The following TLN1 variants were observed in gnomAD, a reference collection of about 807,000 sequenced individuals.
TLN1 encodes the protein talin 1.
A neutral mutation model predicts 292.3 loss-of-function variants in TLN1; 56 were observed. The ratio of observed to expected loss-of-function variants is 0.19; its 90% CI spans 0.15 to 0.24. TLN1 has a LOEUF of 0.24. Ranked by LOEUF, TLN1 falls within the 10% of genes least tolerant of loss-of-function variation. TLN1 has a pLI of 1.00. For missense variants in TLN1, 2,433 were observed against 3,248.2 expected (o/e 0.75, Z 6.10); for synonymous variants, 1,119 against 1,253.7 (o/e 0.89, Z 2.27).
chr9:35,706,582 G>A lies in TLN1; in HGVS notation c.5089-31C>T. Reference sequence around the variant, plus strand: ...GAGGAAGTGGACATTAGCCCTGATGGTGACCTGCAATAGGACCCTCTGGCT... The same window carrying A: ...GAGGAAGTGGACATTAGCCCTGATGATGACCTGCAATAGGACCCTCTGGCT... On this transcript the variant is annotated intron_variant, in intron 38 of 56. Transcript: ENST00000314888. The surrounding 1 kb of genome is among the most constrained non-coding windows in gnomAD (Gnocchi z 4.2). 6.2e-7 allele frequency: 1 copy of A among 1,609,344 alleles called. No individual in the cohort carries two copies. Among genetic ancestry groups the A allele is most frequent in the East Asian group, 2.2e-5 (1 of 44,856 alleles).
Position 35,717,696 on chromosome 9 carries a change from A to G in TLN1, c.2086T>C (p.Ser696Pro), listed in dbSNP as rs1825810224. 6.2e-7 allele frequency: 1 copy of G among 1,614,114 alleles called. No individual in the cohort carries two copies. Among genetic ancestry groups the G allele is most frequent in the Non-Finnish European group, 8.5e-7 (1 of 1,179,998 alleles). The change falls in exon 18 of 57, where the codon TCG becomes CCG. Residue 696 changes from serine (S) to proline (P), a missense_variant. Ser to Pro is a moderately conservative substitution (Grantham distance 74). This residue lies in a region of TLN1 where 617 missense variants were observed against 770.6 expected (regional missense o/e 0.80). Transcript: ENST00000314888. The surrounding 1 kb of genome is among the most constrained non-coding windows in gnomAD (Gnocchi z 4.7). ...GCAATAACTTGGGTCTGAAGTCCCG[A>G]GTCCTCTGTCCGCTGGGCCACACTC... ...AKSVAQRTED[S>P]GLQTQVIAAA...
Position 35,719,272 on chromosome 9 carries a change from A to G in TLN1, c.1698T>C (p.Ala566=), listed in dbSNP as rs1402904470. The G allele has an allele frequency of 1.2e-6, 2 of 1,613,234 alleles. No individual in the cohort carries two copies. The highest frequency in any genetic ancestry group is 1.7e-5 in the Admixed American group (1 of 59,954). Residue 566 remains alanine, a synonymous_variant, in exon 16 of 57, where the codon GCT becomes GCC. Coordinates refer to ENST00000314888, the MANE Select transcript of TLN1 (RefSeq NM_006289.4). The surrounding 1 kb of genome is among the most constrained non-coding windows in gnomAD (Gnocchi z 4.6). ...SVVNLTAGDP[A]ETDYTAVGCA... is the part of the protein sequence containing the mutation. ...AGCCCACTGCGGTATAGTCTGTCTC[A>G]GCAGGGTCCCCTAAGGGGAAAAGGA...
rs377428465 is a variant in TLN1 at position 35,724,146 on chromosome 9, G to C, written c.654+46C>G. ...GCAAGGACACGCACACTGTGCTTCC[G>C]AGCCCTCCCTATTCCTGCCCCACCC... is the stretch of plus-strand genomic sequence containing the variant. On this transcript the variant is annotated intron_variant, in intron 6 of 56. Transcript: ENST00000314888. The surrounding 1 kb of genome is among the most constrained non-coding windows in gnomAD (Gnocchi z 4.7). 6.8e-6 allele frequency: 11 copies of C among 1,613,444 alleles called. No homozygotes were observed. Among genetic ancestry groups the C allele is most frequent in the East Asian group, 2.2e-5 (1 of 44,882 alleles).
chr9:35,721,905 A>T (rs1319048066), intron 9 of TLN1, 102 bp from the exon 10 acceptor site: 2 of 1,476,012 alleles, frequency 1.4e-6, no homozygotes, highest in Non-Finnish European at 1.9e-6. Flanking sequence ...GGTGGCCGGG[A>T]GGGCTAACGG....
In TLN1 at chr9:35,707,142, T is replaced by C; in HGVS notation, c.4885A>G (p.Ser1629Gly). The C allele has an allele frequency of 6.2e-7, 1 of 1,610,918 alleles. No individual in the cohort carries two copies. The highest frequency in any genetic ancestry group is 8.5e-7 in the Non-Finnish European group (1 of 1,179,190). Reference protein sequence around the residue: ...ALAVNPRDPPSWSVLAGHSRT... With the variant: ...ALAVNPRDPPGWSVLAGHSRT... ...GAGTGGCCGGCCAGCACCGACCAGC[T>C]CGGGGGGTCCCGGGGATTGACTGCG... The change falls in exon 37 of 57, where the codon AGC becomes GGC. Residue 1629 changes from serine (S) to glycine (G), a missense_variant. By Grantham distance (56) the Ser-to-Gly change is moderately conservative (BLOSUM62 0). Around this residue, in one of 7 missense-constraint regions of TLN1, gnomAD observed 1,384 missense variants for 1,699.6 expected, o/e 0.81. Coordinates refer to ENST00000314888, the MANE Select transcript of TLN1 (RefSeq NM_006289.4). This position sits in a 1 kb window ranked among gnomAD's most constrained non-coding sequence, Gnocchi z 5.6.
rs775648449 is a variant in TLN1 at position 35,706,220 on chromosome 9, G to T, written c.5337C>A (p.Ala1779=). 1.9e-5 allele frequency: 31 copies of T among 1,609,922 alleles called. 1 individual carries two copies. The South Asian group carries it at 3.3e-4, about 17-fold the overall frequency. The change falls in exon 40 of 57, where the codon GCC becomes GCA. Residue 1779 remains alanine, a synonymous_variant. Coordinates refer to ENST00000314888, the MANE Select transcript of TLN1 (RefSeq NM_006289.4). The surrounding 1 kb of genome is among the most constrained non-coding windows in gnomAD (Gnocchi z 4.2). Reference sequence around the variant, plus strand: ...CCTTTGGGTTACCACCAGCCTCCTTGGCAGTGTATAGCAACTGCAGGGCAG... The same window carrying T: ...CCTTTGGGTTACCACCAGCCTCCTTTGCAGTGTATAGCAACTGCAGGGCAG... ...AESALQLLYT[A]KEAGGNPKQA...
At position 35,717,708 on chromosome 9, in the gene TLN1, G is replaced by A. The variant is rs774077967; in HGVS notation, c.2074C>T (p.Arg692Trp). 1.2e-5 allele frequency: 20 copies of A among 1,613,890 alleles called. No individual in the cohort carries two copies. Among genetic ancestry groups the A allele is most frequent in the Middle Eastern group, 1.7e-4 (1 of 6,028 alleles). The change falls in exon 18 of 57, where the codon CGG becomes TGG. Residue 692 changes from arginine (R) to tryptophan (W), a missense_variant. Transcript: ENST00000314888. The surrounding 1 kb of genome is among the most constrained non-coding windows in gnomAD (Gnocchi z 4.7). ...GTCTGAAGTCCCGAGTCCTCTGTCC[G>A]CTGGGCCACACTCTTGGCCTTGAGG... ...LVLKAKSVAQ[R>W]TEDSGLQTQV...
rs1488467109 is a variant in TLN1 at position 35,724,480 on chromosome 9, A to C, written c.511+92T>G. On this transcript the variant is annotated intron_variant, in intron 5 of 56. Transcript: ENST00000314888. This position sits in a 1 kb window ranked among gnomAD's most constrained non-coding sequence, Gnocchi z 4.7. ...TTTGTTTTCTCACTGATGTATCCCCAGGGTGTAAAACAGTGCCTGGCAGAA... is the reference window on the plus strand; with the variant it reads ...TTTGTTTTCTCACTGATGTATCCCCCGGGTGTAAAACAGTGCCTGGCAGAA... The C allele has an allele frequency of 1.3e-6, 2 of 1,565,988 alleles. No homozygotes were observed. Among genetic ancestry groups the C allele is most frequent in the Admixed American group, 3.6e-5 (2 of 55,604 alleles).
In TLN1 at chr9:35,697,836, C is replaced by T. The variant is rs1372179909; in HGVS notation, c.7581G>A (p.Gln2527=). ...EARKKLAQIR[Q]QQYKFLPSEL... ...CTGAAGGCAGAAACTTGTACTGCTG[C>T]TGCCGGATCTGGGCCAGTTTCTTCC... The change falls in exon 57 of 57, where the codon CAG becomes CAA. Residue 2527 remains glutamine (Q), a synonymous_variant. Coordinates refer to ENST00000314888, the MANE Select transcript of TLN1 (RefSeq NM_006289.4). 1.2e-6 allele frequency: 2 copies of T among 1,614,058 alleles called. No individual in the cohort carries two copies. Among genetic ancestry groups the T allele is most frequent in the Non-Finnish European group, 1.7e-6 (2 of 1,180,038 alleles).
chr9:35,720,268 C>T, intron 12 of TLN1, 49 bp from the exon 13 acceptor site: 1 of 1,546,220 alleles, frequency 6.5e-7, no homozygotes, highest in Non-Finnish European at 8.7e-7. Flanking sequence ...TCATCTCTAC[C>T]CGTCCCACCC....
rs969742812 is a variant in TLN1 at position 35,714,151 on chromosome 9, T to C, written c.3121-70A>G. Reference sequence around the variant, plus strand: ...CTCACCAATGCCTCTGATTACACAATTATCTGCGTATTGGGTTATTCTGCA... The same window carrying C: ...CTCACCAATGCCTCTGATTACACAACTATCTGCGTATTGGGTTATTCTGCA... On this transcript the variant is annotated intron_variant, in intron 24 of 56. Coordinates refer to ENST00000314888, the MANE Select transcript of TLN1 (RefSeq NM_006289.4). The surrounding 1 kb of genome is among the most constrained non-coding windows in gnomAD (Gnocchi z 4.6). 2.0e-5 allele frequency: 32 copies of C among 1,604,260 alleles called. No individual in the cohort carries two copies. The highest frequency in any genetic ancestry group is 5.4e-5 in the African/African-American group (4 of 74,654).
rs749350440 is a variant in TLN1, at chr9:35,706,151, C to T, written c.5362-40G>A. 1.4e-5 allele frequency: 23 copies of T among 1,612,396 alleles called. 1 individual carries two copies. The South Asian group carries it at 2.5e-4, about 18-fold the overall frequency. Reference sequence around the variant, plus strand: ...GAGGAGCTCTGTTGTTCCTGTTTCTCCAGCCTCCTGCTAGTAACAGCTCCT... The same window carrying T: ...GAGGAGCTCTGTTGTTCCTGTTTCTTCAGCCTCCTGCTAGTAACAGCTCCT... On this transcript the variant is annotated intron_variant, in intron 40 of 56. Transcript: ENST00000314888. This position sits in a 1 kb window ranked among gnomAD's most constrained non-coding sequence, Gnocchi z 4.2.
rs1425976947 is a variant in TLN1 at position 35,714,246 on chromosome 9, G to C, written c.3113C>G (p.Ala1038Gly). ...CAGAACCAGCTTCCATACCTTCTGG[G>C]CAGCCGTCCGGAGTTCAGCCAGCGC... ...GTALAELRTA[A>G]QKAQEACGPL... The change falls in exon 24 of 57, where the codon GCC (alanine) becomes GGC (glycine). Residue 1038 changes from alanine (A) to glycine (G), a missense_variant. Around this residue, in one of 7 missense-constraint regions of TLN1, gnomAD observed 1,384 missense variants for 1,699.6 expected, o/e 0.81. Transcript: ENST00000314888. The surrounding 1 kb of genome is among the most constrained non-coding windows in gnomAD (Gnocchi z 4.6). The C allele has an allele frequency of 1.9e-6, 3 of 1,609,266 alleles. No individual in the cohort carries two copies. The highest frequency in any genetic ancestry group is 2.5e-6 in the Non-Finnish European group (3 of 1,176,722).
Position 35,707,615 on chromosome 9 carries a change from A to G in TLN1, c.4632+116T>C, listed in dbSNP as rs1333375043. 1.9e-6 allele frequency: 3 copies of G among 1,579,032 alleles called. No individual in the cohort carries two copies. The highest frequency in any genetic ancestry group is 2.6e-6 in the Non-Finnish European group (3 of 1,158,860). Reference sequence around the variant, plus strand: ...AGGCTAGGTGGTCAGTCTGAATAGAAAGAGCTTGGGCTCAGGCAGAGGGGA... The same window carrying G: ...AGGCTAGGTGGTCAGTCTGAATAGAGAGAGCTTGGGCTCAGGCAGAGGGGA... On this transcript the variant is annotated intron_variant, in intron 35 of 56. Coordinates refer to ENST00000314888, the MANE Select transcript of TLN1 (RefSeq NM_006289.4). The surrounding 1 kb of genome is among the most constrained non-coding windows in gnomAD (Gnocchi z 5.6).
At position 35,716,507 on chromosome 9, in the gene TLN1, C is replaced by T. The variant is rs1183016925; in HGVS notation, c.2508G>A (p.Leu836=). 2 of 1,614,228 alleles carry T rather than the reference C, an allele frequency of 1.2e-6. No homozygotes were observed. Among genetic ancestry groups the T allele is most frequent in the Admixed American group, 3.3e-5 (2 of 60,022 alleles). The change falls in exon 20 of 57, where the codon CTG becomes CTA. Residue 836 remains leucine, a synonymous_variant. Transcript: ENST00000314888. ...CAGCATCAGCCTTGATGGCATTGACCAGGTCAGATGTGGCTTGGGCCAGGA... is the reference window on the plus strand; with the variant it reads ...CAGCATCAGCCTTGATGGCATTGACTAGGTCAGATGTGGCTTGGGCCAGGA... ...ARILAQATSD[L]VNAIKADAEG... is the part of the protein sequence containing the mutation.
Position 35,717,645 on chromosome 9 carries a change from T to C in TLN1, c.2137A>G (p.Thr713Ala). 1.2e-6 allele frequency: 2 copies of C among 1,613,610 alleles called. No homozygotes were observed. Among genetic ancestry groups the C allele is most frequent in the Non-Finnish European group, 1.7e-6 (2 of 1,179,614 alleles). ...TTAGTACAGGCCACTAGTTGGGAAG[T>C]GGATAGGGCACACTGTGTTGCTGCA... ...IAAATQCALS[T>A]SQLVACTKVV... is the part of the protein sequence containing the mutation. The change falls in exon 18 of 57, where the codon ACT becomes GCT. Residue 713 changes from threonine to alanine, a missense_variant. Transcript: ENST00000314888. This position sits in a 1 kb window ranked among gnomAD's most constrained non-coding sequence, Gnocchi z 4.7.
rs920609151 is a variant in TLN1 at position 35,706,083 on chromosome 9, T to A, written c.5390A>T (p.Glu1797Val). 4 of 1,614,070 alleles carry A rather than the reference T, an allele frequency of 2.5e-6. No homozygotes were observed. The African/African-American group carries it at 5.3e-5, about 22-fold the overall frequency. Residue 1797 changes from glutamate to valine, a missense_variant, in exon 41 of 57, where the codon GAG (glutamate) becomes GTG (valine). Glu to Val is a moderately radical substitution (Grantham distance 121). This residue lies in a region of TLN1 where 1,384 missense variants were observed against 1,699.6 expected (regional missense o/e 0.81). Coordinates refer to ENST00000314888, the MANE Select transcript of TLN1 (RefSeq NM_006289.4). The surrounding 1 kb of genome is among the most constrained non-coding windows in gnomAD (Gnocchi z 4.2). The stretch of plus-strand genomic sequence containing the variant: ...CTCGGTCATCATCTGCACAGCCTCC[T>A]CCAGGGCTTCCTGGGTGTGAGCTGC... The part of the protein sequence containing the change: ...KQAAHTQEAL[E>V]EAVQMMTEAV...
Position 35,708,360 on chromosome 9 carries a change from G to C in TLN1, c.4451C>G (p.Pro1484Arg), listed in dbSNP as rs371110557. 22 of 1,610,184 alleles carry C rather than the reference G, an allele frequency of 1.4e-5. No individual in the cohort carries two copies. The African/African-American group carries it at 2.9e-4, about 22-fold the overall frequency. ...AGTTACCTGGGCCTGGGTACAGCCA[G>C]GCTCTCCCAAACTCTGGCAGGCCAT... ...IQMACQSLGE[P>R]GCTQAQVLSA... The change falls in exon 34 of 57, where the codon CCT becomes CGT. Residue 1484 changes from proline to arginine, a missense_variant. This residue lies in a region of TLN1 where 1,384 missense variants were observed against 1,699.6 expected (regional missense o/e 0.81). Coordinates refer to ENST00000314888, the MANE Select transcript of TLN1 (RefSeq NM_006289.4).
At chr9:35,722,999 G>T in intron 7 of TLN1, 78 bp from the exon 8 acceptor site, 3 of 1,298,214 alleles carry the variant, frequency 2.3e-6, no homozygotes, top group Non-Finnish European at 3.3e-6. Context: ...GGGCCTGGGG[G>T]TATGAGGAAA....
Sources: allele counts gnomAD v4.1 joint callset, GRCh38; gene constraint gnomAD v4.1.1; regional missense constraint gnomAD v4.1.1; non-coding constraint Gnocchi (gnomAD v3.1); transcripts MANE v1.5; gene names NCBI Gene and HGNC (gene_info 2026-07-23, HGNC 2026-07-21).